ATRN: variants seen among roughly 807,000 people sequenced by gnomAD.
The protein encoded by ATRN is attractin, also known as attractin-2.
A neutral mutation model predicts 178.7 loss-of-function variants in ATRN; 54 were observed. The ratio of observed to expected loss-of-function variants is 0.30; its 90% CI spans 0.24 to 0.38. The LOEUF is 0.38. Ranked by LOEUF, ATRN falls within the 10% of genes least tolerant of loss-of-function variation. ATRN has a pLI of 1.00. For missense variants in ATRN, 1,443 were observed against 1,815.1 expected (o/e 0.79, Z 3.73); for synonymous variants, 636 against 663.0 (o/e 0.96, Z 0.63).
intron 1 of ATRN, chr20:3,490,884 G>T: frequency 2.1e-6 from 2 of 966,916 alleles, no homozygotes; most frequent in Non-Finnish European, 3.4e-6. Context: ...ATCTTGCATG[G>T]CCTGAGTGCG....
chr20:3,568,380 G>A (rs1449910592), intron 11 of ATRN, among the ~76,000 whole-genome samples: 6 of 151,830 alleles, frequency 4.0e-5, no homozygotes, highest in Admixed American at 3.3e-4. Flanking sequence ...AGGCATGGTG[G>A]CTCATGCCTG....
rs529249760 is a variant in ATRN, at chr20:3,483,111, A to C, written c.410+11594A>C. 2.6e-5 allele frequency among the ~76,000 whole-genome samples: 4 copies of C among 152,124 alleles called. No homozygotes were observed. The South Asian group carries it at 8.3e-4, about 32-fold the overall frequency. On this transcript the variant is annotated intron_variant, in intron 1 of 28. Coordinates refer to ENST00000262919, the MANE Select transcript of ATRN (RefSeq NM_139321.3). ...TTTATTATTTCTCTTGCATGTTTCT[A>C]CTCTTATTACAGAGAGTACAGAGAG...
intron 1 of ATRN, among the ~76,000 whole-genome samples, chr20:3,482,609 G>A (rs6051888): frequency 6.6e-6 from 1 of 152,154 alleles, no homozygotes; most frequent in African/African-American, 2.4e-5. Flanking sequence ...AGATATCAAG[G>A]ATTTTGATCA....
intron 11 of ATRN, among the ~76,000 whole-genome samples, chr20:3,570,990 A>G (rs17709518): frequency 0.038 from 5,811 of 152,308 alleles, 148 homozygotes; most frequent in Non-Finnish European, 0.056. Flanking sequence ...AGTTCCCTCA[A>G]TAGATAAATG....
intron 1 of ATRN, among the ~76,000 whole-genome samples, chr20:3,503,406 G>T (rs746717993): frequency 6.6e-6 from 1 of 152,118 alleles, no homozygotes; most frequent in Admixed American, 6.5e-5. Flanking sequence ...AGATGAATCA[G>T]ATGTTGGAAT....
At chr20:3,536,925 A>G (rs1038403122) in intron 2 of ATRN, among the ~76,000 whole-genome samples, 25 of 152,190 alleles carry the variant, frequency 1.6e-4, no homozygotes, top group Middle Eastern at 3.2e-3. Context: ...AGTAAATTGC[A>G]GTATGGAATC....
chr20:3,577,409 G>A (rs2086227901), intron 14 of ATRN, among the ~76,000 whole-genome samples: 1 of 152,172 alleles, frequency 6.6e-6, no homozygotes, highest in South Asian at 2.1e-4. Flanking sequence ...CCTTCTCTGA[G>A]AAGGAGAGGA....
chr20:3,574,838 T>G (rs1428064785), intron 12 of ATRN, among the ~76,000 whole-genome samples: 4 of 152,198 alleles, frequency 2.6e-5, no homozygotes, highest in Non-Finnish European at 5.9e-5. Context: ...AAGAGCAGCC[T>G]AAGGAGCCGA....
At chr20:3,489,476 C>G (rs1264111560) in intron 1 of ATRN, 25 of 997,584 alleles carry the variant, frequency 2.5e-5, no homozygotes, top group Non-Finnish European at 3.5e-5. Flanking sequence ...ATAGAAAAAA[C>G]AGATCTCAGG....
At chr20:3,626,041 G>A (rs762575462) in intron 25 of ATRN, among the ~76,000 whole-genome samples, 1 of 152,102 alleles carries the variant, frequency 6.6e-6, no homozygotes, top group Admixed American at 6.5e-5. Context: ...AGACCAGCCT[G>A]GACAACATGG....
At chr20:3,594,989 T>C (rs1445971543) in intron 20 of ATRN, among the ~76,000 whole-genome samples, 1 of 152,218 alleles carries the variant, frequency 6.6e-6, no homozygotes, top group Non-Finnish European at 1.5e-5. Context: ...AATGATCCTC[T>C]TACCTTTAAC....
At chr20:3,603,461 T>C (rs1352221623) in intron 23 of ATRN, among the ~76,000 whole-genome samples, 2 of 151,878 alleles carry the variant, frequency 1.3e-5, no homozygotes, top group African/African-American at 4.8e-5. Context: ...GGGAGTTACA[T>C]GGATTCCTGG....
intron 6 of ATRN, among the ~76,000 whole-genome samples, chr20:3,558,890 G>C (rs2085914278): frequency 6.6e-6 from 1 of 151,966 alleles, no homozygotes; most frequent in African/African-American, 2.4e-5. Context: ...TGTATTTTAA[G>C]GTCTTTATAT....
chr20:3,511,103 T>G (rs2085120735), intron 1 of ATRN, among the ~76,000 whole-genome samples: 1 of 152,192 alleles, frequency 6.6e-6, no homozygotes, highest in South Asian at 2.1e-4. Flanking sequence ...GAGATACAGC[T>G]AATGGCATTC....
At chr20:3,508,077 G>A (rs911284796) in intron 1 of ATRN, among the ~76,000 whole-genome samples, 2 of 151,906 alleles carry the variant, frequency 1.3e-5, no homozygotes, top group African/African-American at 2.4e-5. Flanking sequence ...GGCTGGGCGT[G>A]ATGGCTCATA....
intron 18 of ATRN, among the ~76,000 whole-genome samples, chr20:3,585,765 A>G (rs1482440556): frequency 6.6e-6 from 1 of 152,226 alleles, no homozygotes; most frequent in Non-Finnish European, 1.5e-5. Flanking sequence ...CAACCCAATT[A>G]AGAAATGGAT....
At chr20:3,506,589 C>T (rs1314657785) in intron 1 of ATRN, among the ~76,000 whole-genome samples, 2 of 150,276 alleles carry the variant, frequency 1.3e-5, no homozygotes, top group Non-Finnish European at 2.9e-5. Flanking sequence ...ATTGCCACTG[C>T]ACTCCAGCCT....
chr20:3,582,819 G>A (rs993856013), intron 16 of ATRN, among the ~76,000 whole-genome samples: 1 of 152,208 alleles, frequency 6.6e-6, no homozygotes, highest in South Asian at 2.1e-4. Context: ...TTCTGTAAGC[G>A]AGGACAGAAG....
chr20:3,564,788 G>C (rs1172877428), intron 10 of ATRN, among the ~76,000 whole-genome samples: 1 of 152,154 alleles, frequency 6.6e-6, no homozygotes, highest in African/African-American at 2.4e-5. Flanking sequence ...ATTCTTGGCT[G>C]GGCGTGGTGG....
Sources: allele counts gnomAD v4.1 joint callset (sites outside exome capture counted in the v4.1 genomes callset), GRCh38; gene constraint gnomAD v4.1.1; transcripts MANE v1.5; gene names NCBI Gene and HGNC (gene_info 2026-07-23, HGNC 2026-07-21).